The following TP73 variants were observed in gnomAD, a reference collection of about 807,000 sequenced individuals.
The protein encoded by TP73 is p53-like transcription factor.
In TP73, 25 loss-of-function variants were observed where a neutral mutation model predicts 62.5. The ratio of observed to expected loss-of-function variants is 0.40; its 90% CI spans 0.29 to 0.56. The LOEUF is 0.56. Ranked by LOEUF, TP73 falls within the 20% of genes least tolerant of loss-of-function variation. TP73 has a pLI of 0.46. For missense variants in TP73, 754 were observed against 913.3 expected, an observed-to-expected ratio of 0.83 and a Z score of 2.25; for synonymous variants, 423 against 377.5, an observed-to-expected ratio of 1.12 and a Z score of -1.40.
intron 1 of TP73, among the ~76,000 whole-genome samples, 170 bp from the exon 2 acceptor site, chr1:3,682,163 C>T (rs558148696): frequency 1.3e-5 from 2 of 152,212 alleles, no homozygotes; most frequent in Non-Finnish European, 2.9e-5. Context: ...CCGCGGGGAA[C>T]AGGGTGGACG....
chr1:3,730,180 C>T (rs1229959270), intron 11 of TP73, 32 bp downstream of exon 11: 3 of 1,497,450 alleles, frequency 2.0e-6, no homozygotes, highest in South Asian at 1.3e-5. Flanking sequence ...GGCCCACGGG[C>T]AGGGCGGGGA....
intron 6 of TP73, among the ~76,000 whole-genome samples, chr1:3,726,118 T>C (rs1570624051): frequency 8.4e-6 from 1 of 118,436 alleles, no homozygotes; most frequent in East Asian, 2.7e-4. Context: ...GATGGATGGA[T>C]GGATTTATTG....
Position 3,733,215 on chromosome 1 carries a change from C to T in TP73, c.*136C>T. On this transcript the variant is annotated 3_prime_UTR_variant, in exon 14 of 14. Coordinates refer to ENST00000378295, the MANE Select transcript of TP73 (RefSeq NM_005427.4). ...CGGGGAAAGGCAAGGTCCGGCCCAT[C>T]CCCAGGCACCTCACAGGCCCCAGGA... The T allele has an allele frequency of 9.4e-7, 1 of 1,065,054 alleles. No homozygotes were observed. The highest frequency in any genetic ancestry group is 1.3e-6 in the Non-Finnish European group (1 of 760,524). The allele number at this position is 1,065,054 out of a possible 1,614,324, so 66.0% of individuals were successfully genotyped here.
intron 2 of TP73, 75 bp downstream of exon 2, chr1:3,682,505 G>A (rs1645549110): frequency 7.5e-7 from 1 of 1,331,026 alleles, no homozygotes; most frequent in Middle Eastern, 2.6e-4. Context: ...CACCTTCGCT[G>A]GGCTAACTGG....
rs1570648145 is a variant in TP73 at position 3,730,144 on chromosome 1, C to T, written c.1341C>T (p.Pro447=). 1.9e-6 allele frequency: 3 copies of T among 1,551,300 alleles called. No individual in the cohort carries two copies. Among genetic ancestry groups the T allele is most frequent in the East Asian group, 2.4e-5 (1 of 41,324 alleles). ...CGGCAGCTACACCCAACCTGGGGCC[C>T]GTGGGTGAGTCCCTTGGGCAGTGCG... ...HSSAATPNLG[P]VGPGMLNNHG... Residue 447 remains proline (P), a synonymous_variant, in exon 11 of 14, where the codon CCC becomes CCT. Transcript: ENST00000378295.
chr1:3,729,421 GGCA>G lies in TP73; in HGVS notation c.1181_1183del (p.Gln394del), dbSNP rs768036326. 19 of 1,612,718 alleles carry G rather than the reference GGCA, an allele frequency of 1.2e-5. No homozygotes were observed. Among genetic ancestry groups the G allele is most frequent in the Non-Finnish European group, 1.5e-5 (18 of 1,179,984 alleles). On this transcript the variant is annotated inframe_deletion, in exon 10 of 14. Transcript: ENST00000378295. The stretch of plus-strand genomic sequence containing the variant: ...CCGCAGCCACTGGTGGACTCCTATC[GGCA>G]GCAGCAGCAGCTCCTACAGAGGCCG...
At chr1:3,727,345 G>A (rs746076278) in intron 7 of TP73, 121 bp downstream of exon 7, 10 of 1,091,772 alleles carry the variant, frequency 9.2e-6, no homozygotes, top group Middle Eastern at 2.7e-4. Flanking sequence ...ACTTTGGGGT[G>A]TGCTGCTGGA....
At chr1:3,690,659 G>A (rs987618643) in intron 3 of TP73, 3 of 1,400,692 alleles carry the variant, frequency 2.1e-6, no homozygotes, top group Non-Finnish European at 2.8e-6. Context: ...GGTGGGCCGC[G>A]GGTTTTGTTG....
intron 10 of TP73, 192 bp from the exon 11 acceptor site, chr1:3,729,808 G>A (rs1641987994): frequency 2.3e-6 from 2 of 876,628 alleles, no homozygotes; most frequent in Non-Finnish European, 1.7e-6. Context: ...CATGGCCAGT[G>A]TCCTTCTCAG....
chr1:3,721,416 C>T (rs1446389858), intron 4 of TP73, among the ~76,000 whole-genome samples: 2 of 152,220 alleles, frequency 1.3e-5, no homozygotes, highest in Non-Finnish European at 2.9e-5. Flanking sequence ...ACTTGGTGGC[C>T]CCAGCAGGAG....
chr1:3,725,760 TG>T (rs1641480713), intron 6 of TP73, among the ~76,000 whole-genome samples: 2 of 38,716 alleles, frequency 5.2e-5, no homozygotes, highest in Non-Finnish European at 4.8e-5. Flanking sequence ...GATGGATGGA[TG>T]GGGTGGGGGG....
At chr1:3,728,327 G>A (rs1231537172) in intron 9 of TP73, 110 bp downstream of exon 9, 21 of 1,159,476 alleles carry the variant, frequency 1.8e-5, no homozygotes, top group Admixed American at 4.1e-5. Context: ...TGGAGGGGGC[G>A]GGAGGAGCCC....
chr1:3,680,223 G>A (rs890326627), intron 1 of TP73, among the ~76,000 whole-genome samples: 8 of 152,356 alleles, frequency 5.3e-5, no homozygotes, highest in African/African-American at 1.9e-4. Context: ...GCTGTAGCAT[G>A]TCAGAGCTTC....
intron 1 of TP73, among the ~76,000 whole-genome samples, chr1:3,671,975 T>G (rs112223461): frequency 0.042 from 6,335 of 152,100 alleles, 425 homozygotes; most frequent in African/African-American, 0.14. Context: ...GGAGGATTGC[T>G]CACTGAGTCA....
intron 3 of TP73, among the ~76,000 whole-genome samples, chr1:3,700,362 G>C (rs1052003730): frequency 5.3e-5 from 8 of 152,198 alleles, no homozygotes; most frequent in Non-Finnish European, 8.8e-5. Context: ...CGATGGCACG[G>C]TCGTGACCTC....
At position 3,710,026 on chromosome 1, in the gene TP73, C is replaced by T. The variant is rs989131008; in HGVS notation, c.429+2235C>T. ...GACTTCATGGTTTTGTCTCAACTGC[C>T]TTGTCCTGCAGGACGGGGTGGCCTT... On this transcript the variant is annotated intron_variant, in intron 4 of 13. Coordinates refer to ENST00000378295, the MANE Select transcript of TP73 (RefSeq NM_005427.4). Among the ~76,000 whole-genome samples the T allele has an allele frequency of 5.9e-5, 9 of 152,276 alleles. No individual in the cohort carries two copies. In the South Asian group the frequency reaches 1.5e-3, roughly 25 times the overall value.
intron 3 of TP73, among the ~76,000 whole-genome samples, chr1:3,691,389 C>T (rs1487670250): frequency 6.6e-6 from 1 of 152,100 alleles, no homozygotes; most frequent in African/African-American, 2.4e-5. Context: ...AAGCTGCCCC[C>T]GCCCTCATCA....
Position 3,729,437 on chromosome 1 carries a change from C to T in TP73, c.1185C>T (p.Leu395=). 2 of 1,612,772 alleles carry T rather than the reference C, an allele frequency of 1.2e-6. No individual in the cohort carries two copies. Among genetic ancestry groups the T allele is most frequent in the South Asian group, 2.2e-5 (2 of 91,078 alleles). The stretch of plus-strand genomic sequence containing the variant: ...ACTCCTATCGGCAGCAGCAGCAGCT[C>T]CTACAGAGGCCGTGAGTCAGCCCTA... ...LVDSYRQQQQ[L]LQRPSHLQPP... is the part of the protein sequence containing the mutation. Residue 395 remains leucine (L), a synonymous_variant, in exon 10 of 14, where the codon CTC becomes CTT. Transcript: ENST00000378295.
Position 3,732,742 on chromosome 1 carries a change from C to T in TP73, c.1579-5C>T, listed in dbSNP as rs542619694. The T allele has an allele frequency of 6.4e-6, 10 of 1,559,066 alleles. No homozygotes were observed. The Admixed American group carries it at 1.3e-4, about 20-fold the overall frequency. On this transcript the variant is annotated splice_region_variant and splice_polypyrimidine_tract_variant and intron_variant, in intron 13 of 13. Transcript: ENST00000378295. The stretch of plus-strand genomic sequence containing the variant: ...CCCTGCCCCTAATGCGCCGGCCTCT[C>T]GCAGGACCTGGGGGCCCTGAAGATC...
Sources: allele counts gnomAD v4.1 joint callset (sites outside exome capture counted in the v4.1 genomes callset), GRCh38; gene constraint gnomAD v4.1.1; transcripts MANE v1.5; gene names NCBI Gene and HGNC (gene_info 2026-07-23, HGNC 2026-07-21).